Variants in DNTT observed in about 807,000 individuals in gnomAD.
DNTT encodes nucleosidetriphosphate:DNA deoxynucleotidylexotransferase.
DNTT carries 47 observed loss-of-function variants against 60.9 expected under a neutral mutation model. The observed-to-expected ratio is 0.77, with a 90% CI of 0.61 to 0.98. The LOEUF (loss-of-function observed/expected upper bound fraction) is 0.98. Among genes scored for constraint, DNTT ranks in the 50% least tolerant of loss-of-function variants. DNTT has a pLI of 0.00. For synonymous variants in DNTT, 224 were observed against 221.2 expected (o/e 1.01, Z -0.11); for missense variants, 665 against 627.5 (o/e 1.06, Z -0.64).
In DNTT at chr10:96,308,114, C is replaced by G. The variant is rs149448051; in HGVS notation, c.203+3414C>G. ...TTTTCAGCTGATAGGCAACAGTTTTCATTGTTCCTAACACATTCTTTGGCT... is the reference window on the plus strand; with the variant it reads ...TTTTCAGCTGATAGGCAACAGTTTTGATTGTTCCTAACACATTCTTTGGCT... On this transcript the variant is annotated intron_variant, in intron 1 of 10. Transcript: ENST00000371174. Among the ~76,000 whole-genome samples the G allele has an allele frequency of 2.9e-3, 434 of 152,222 alleles. 7 individuals carry two copies. Among genetic ancestry groups the G allele is most frequent in the Middle Eastern group, 0.024 (7 of 294 alleles).
intron 8 of DNTT, among the ~76,000 whole-genome samples, chr10:96,329,516 C>G (rs1844980034): frequency 6.6e-6 from 1 of 152,234 alleles, no homozygotes; most frequent in African/African-American, 2.4e-5. Context: ...ATAGGTCTGG[C>G]TGGGCTGGTG....
rs747750839 is a variant in DNTT, at chr10:96,318,334, C to T, written c.204-18C>T. ...TTGAAAGATGTTTCAGCTGGTAACT[C>T]TGTCTTGCATTTTGCAGTGATTCTG... On this transcript the variant is annotated intron_variant, in intron 1 of 10. Transcript: ENST00000371174. 2.5e-6 allele frequency: 4 copies of T among 1,595,352 alleles called. No individual in the cohort carries two copies. The African/African-American group carries it at 5.4e-5, about 21-fold the overall frequency.
chr10:96,315,756 G>A (rs773047597), intron 1 of DNTT, among the ~76,000 whole-genome samples: 35 of 151,096 alleles, frequency 2.3e-4, no homozygotes, highest in Admixed American at 7.9e-4. Flanking sequence ...TGTATCATAA[G>A]TATAATAATA....
chr10:96,331,431 G>A lies in DNTT; in HGVS notation c.1114-920G>A, dbSNP rs149839632. Among the ~76,000 whole-genome samples the A allele has an allele frequency of 1.6e-4, 24 of 152,302 alleles. No homozygotes were observed. In the East Asian group the frequency reaches 2.3e-3, roughly 15 times the overall value. On this transcript the variant is annotated intron_variant, in intron 8 of 10. Transcript: ENST00000371174. ...GACACCAAGCATCTGCTTCTGGTGC[G>A]GCCTCAGGGGGCTTACACTCATGGC...
At position 96,318,520 on chromosome 10, in the gene DNTT, G is replaced by A. The variant is rs1410503007; in HGVS notation, c.372G>A (p.Gln124=). 1 of 1,613,124 alleles carries A rather than the reference G, an allele frequency of 6.2e-7. No homozygotes were observed. Among genetic ancestry groups the A allele is most frequent in the Admixed American group, 1.7e-5 (1 of 59,942 alleles). ...CGGTGGAAATGACAGGAAAACACCA[G>A]CTTGTTGTAAGTGTCATGGGTGTGA... is the stretch of plus-strand genomic sequence containing the variant. ...GKPVEMTGKH[Q]LVVRRDYSDS... Residue 124 remains glutamine, a synonymous_variant, in exon 2 of 11, where the codon CAG becomes CAA. Transcript: ENST00000371174.
rs183797316 is a variant in DNTT at position 96,332,681 on chromosome 10, G to A, written c.1359+85G>A. 1,944 of 1,551,054 alleles carry A rather than the reference G, an allele frequency of 1.3e-3. 3 individuals are homozygous for A. Among genetic ancestry groups the A allele is most frequent in the South Asian group, 1.7e-3 (136 of 81,198 alleles). ...TACCTGGGCCCAGGGGAGAGATGAC[G>A]GCAACAGGGGCTGGGTGACAGGGGA... On this transcript the variant is annotated intron_variant, in intron 9 of 10. Transcript: ENST00000371174.
intron 1 of DNTT, among the ~76,000 whole-genome samples, chr10:96,308,435 A>G (rs780857160): frequency 2.0e-5 from 3 of 152,224 alleles, no homozygotes; most frequent in Non-Finnish European, 4.4e-5. Flanking sequence ...TCCATGGCTA[A>G]CTTCCTAAAT....
intron 10 of DNTT, among the ~76,000 whole-genome samples, chr10:96,336,510 C>T (rs1845071661): frequency 6.6e-6 from 1 of 152,174 alleles, no homozygotes; most frequent in Admixed American, 6.5e-5. Context: ...CAATTCATCC[C>T]TCAGCAAAAC....
At chr10:96,331,846 C>T (rs1845010050) in intron 8 of DNTT, among the ~76,000 whole-genome samples, 1 of 152,182 alleles carries the variant, frequency 6.6e-6, no homozygotes, top group Non-Finnish European at 1.5e-5. Flanking sequence ...GGTGTGATTA[C>T]AGCTTACTGA....
rs1040337330 is a variant in DNTT at position 96,327,685 on chromosome 10, A to C, written c.1007+85A>C. 9.8e-6 allele frequency: 15 copies of C among 1,533,238 alleles called. No individual in the cohort carries two copies. In the African/African-American group the frequency reaches 2.1e-4, roughly 21 times the overall value. 95.0% of individuals were successfully genotyped at this position (1,533,238 alleles called of 1,614,324 possible). ...GGACAGGCATCTGAAACGGCACAAA[A>C]GGCTGTGATCTGGTGCCAGCTTCTT... is the stretch of plus-strand genomic sequence containing the variant. On this transcript the variant is annotated intron_variant, in intron 7 of 10. Transcript: ENST00000371174.
chr10:96,318,460 C>A lies in DNTT; in HGVS notation c.312C>A (p.Val104=). Residue 104 remains valine (V), a synonymous_variant, in exon 2 of 11, where the codon GTC becomes GTA. Transcript: ENST00000371174. Reference sequence around the variant, plus strand: ...GCTCACAACCAGAGCTCCTCGATGTCTCCTGGCTGATCGAATGCATAAGAG... The same window carrying A: ...GCTCACAACCAGAGCTCCTCGATGTATCCTGGCTGATCGAATGCATAAGAG... The part of the protein sequence containing the change: ...QVSSQPELLD[V]SWLIECIRAG... 1 of 1,613,950 alleles carries A rather than the reference C, an allele frequency of 6.2e-7. No individual in the cohort carries two copies. Among genetic ancestry groups the A allele is most frequent in the Non-Finnish European group, 8.5e-7 (1 of 1,179,864 alleles).
In DNTT at chr10:96,328,269, C is replaced by G. The variant is rs1334213606; in HGVS notation, c.1008-456C>G. 3.9e-5 allele frequency among the ~76,000 whole-genome samples: 6 copies of G among 152,312 alleles called. No individual in the cohort carries two copies. In the East Asian group the frequency reaches 9.6e-4, roughly 24 times the overall value. ...TTTCTCCAGCCCTCTCACCTGGTGG[C>G]TTTTGGCCATCCTAACAAAATAGGT... On this transcript the variant is annotated intron_variant, in intron 7 of 10. Coordinates refer to ENST00000371174, the MANE Select transcript of DNTT (RefSeq NM_004088.4).
chr10:96,335,925 A>G lies in DNTT; in HGVS notation c.1394A>G (p.His465Arg), dbSNP rs1316173039. Reference sequence around the variant, plus strand: ...AGAGACCTCCGGCGCTATGCCACACATGAGCGGAAGATGATTCTGGATAAC... The same window carrying G: ...AGAGACCTCCGGCGCTATGCCACACGTGAGCGGAAGATGATTCTGGATAAC... Reference protein sequence around the residue: ...FERDLRRYATHERKMILDNHA... With the variant: ...FERDLRRYATRERKMILDNHA... Residue 465 changes from histidine to arginine, a missense_variant, in exon 10 of 11, where the codon CAT becomes CGT. His to Arg is a conservative substitution (Grantham distance 29). Transcript: ENST00000371174. 1.9e-6 allele frequency: 3 copies of G among 1,614,220 alleles called. No homozygotes were observed. Among genetic ancestry groups the G allele is most frequent in the Admixed American group, 3.3e-5 (2 of 60,028 alleles).
At chr10:96,331,364 C>T (rs1293409992) in intron 8 of DNTT, among the ~76,000 whole-genome samples, 4 of 152,160 alleles carry the variant, frequency 2.6e-5, no homozygotes, top group Admixed American at 6.5e-5. Context: ...AAAGAAAAGA[C>T]GTTTACTTGG....
intron 7 of DNTT, 152 bp from the exon 8 acceptor site, chr10:96,328,573 T>A: frequency 1.5e-6 from 1 of 668,294 alleles, no homozygotes; most frequent in Non-Finnish European, 2.5e-6. Flanking sequence ...GGAACAGCGA[T>A]GTGTAACCAA....
intron 1 of DNTT, among the ~76,000 whole-genome samples, chr10:96,313,815 T>C (rs775297576): frequency 6.6e-6 from 1 of 152,194 alleles, no homozygotes; most frequent in Non-Finnish European, 1.5e-5. Flanking sequence ...CAGGGCTGTG[T>C]CCAGAGGAAT....
intron 1 of DNTT, among the ~76,000 whole-genome samples, chr10:96,317,816 A>C (rs1844805461): frequency 1.3e-5 from 2 of 152,160 alleles, no homozygotes; most frequent in African/African-American, 4.8e-5. Context: ...GTTGTTTATA[A>C]ATTACTCAGT....
At chr10:96,317,057 T>A (rs1844795213) in intron 1 of DNTT, among the ~76,000 whole-genome samples, 1 of 152,214 alleles carries the variant, frequency 6.6e-6, no homozygotes, top group South Asian at 2.1e-4. Context: ...TTCTCTTCGA[T>A]GCTTGGGTAT....
At chr10:96,315,333 T>C (rs1314054967) in intron 1 of DNTT, among the ~76,000 whole-genome samples, 8 of 152,166 alleles carry the variant, frequency 5.3e-5, no homozygotes. Flanking sequence ...ACTTACCTTG[T>C]TGGGAACTAG....
Sources: gnomAD v4.1 joint callset for allele counts (sites outside exome capture counted in the v4.1 genomes callset) on GRCh38, gnomAD v4.1.1 for gene constraint, MANE v1.5 for transcripts, NCBI Gene and HGNC (gene_info 2026-07-23, HGNC 2026-07-21) for gene names.